Variants in RLF observed in about 807,000 individuals in gnomAD.
RLF encodes RLF zinc finger.
A neutral mutation model predicts 162.9 loss-of-function variants in RLF; 7 were observed. The observed-to-expected ratio is 0.04, with a 90% CI of 0.02 to 0.08. The LOEUF is 0.08. Among genes scored for constraint, RLF ranks in the 10% least tolerant of loss-of-function variants. The pLI is 1.00. For missense variants in RLF, 1,664 were observed against 2,244.7 expected, an observed-to-expected ratio of 0.74 and a Z score of 5.23; for synonymous variants, 782 against 791.5, an observed-to-expected ratio of 0.99 and a Z score of 0.20.
chr1:40,231,607 A>T lies in RLF; in HGVS notation c.1038A>T (p.Ile346=), dbSNP rs755007850. ...AGCGCTGTCGTCAGTTTGGTGTCAT[A>T]GCTAAAACGCAGCAGCATTTATTTT... ...FLERCRQFGV[I]AKTQQHLFCL... The change falls in exon 7 of 8, where the codon ATA becomes ATT. Residue 346 remains isoleucine (I), a synonymous_variant. Coordinates refer to ENST00000372771, the MANE Select transcript of RLF (RefSeq NM_012421.4). 13 of 1,614,098 alleles carry T rather than the reference A, an allele frequency of 8.1e-6. No homozygotes were observed. Among genetic ancestry groups the T allele is most frequent in the Non-Finnish European group, 1.1e-5 (13 of 1,179,988 alleles).
rs1642088347 is a variant in RLF, at chr1:40,161,745, G to C, written c.237+109G>C. On this transcript the variant is annotated intron_variant, in intron 1 of 7. Transcript: ENST00000372771. The surrounding 1 kb of genome is among the most constrained non-coding windows in gnomAD (Gnocchi z 4.4). ...CCAAACTGAAAGGCGCCACCTCCGT[G>C]ACTCGCCGCGCCCCCGGGCCGGGAA... 7.0e-7 allele frequency: 1 copy of C among 1,422,262 alleles called. No homozygotes were observed. The highest frequency in any genetic ancestry group is 9.3e-7 in the Non-Finnish European group (1 of 1,076,874). 88.1% of individuals were successfully genotyped at this position (1,422,262 alleles called of 1,614,324 possible). A position where few individuals can be genotyped will look rare whatever the true frequency, so the allele number is the denominator to read the frequency against.
intron 1 of RLF, among the ~76,000 whole-genome samples, chr1:40,177,073 C>G (rs942533061): frequency 6.6e-6 from 1 of 151,764 alleles, no homozygotes; most frequent in Non-Finnish European, 1.5e-5. Flanking sequence ...CTGCAACCTC[C>G]GCCTCACAGG....
Position 40,238,751 on chromosome 1 carries a change from G to A in RLF, c.4049G>A (p.Arg1350Lys). ...TTATGTTTGGAGAAAGACAAAGCAAGAACCAAAAGGGAACTTGTCAAATGT... is the reference window on the plus strand; with the variant it reads ...TTATGTTTGGAGAAAGACAAAGCAAAAACCAAAAGGGAACTTGTCAAATGT... ...EQLCLEKDKA[R>K]TKRELVKCKK... Residue 1350 changes from arginine (R) to lysine (K), a missense_variant, in exon 8 of 8, where the codon AGA becomes AAA. Coordinates refer to ENST00000372771, the MANE Select transcript of RLF (RefSeq NM_012421.4). The surrounding 1 kb of genome is among the most constrained non-coding windows in gnomAD (Gnocchi z 5.2). 1 of 1,613,686 alleles carries A rather than the reference G, an allele frequency of 6.2e-7. No homozygotes were observed. Among genetic ancestry groups the A allele is most frequent in the Non-Finnish European group, 8.5e-7 (1 of 1,179,790 alleles).
intron 4 of RLF, among the ~76,000 whole-genome samples, chr1:40,196,674 A>T (rs1642642592): frequency 6.6e-6 from 1 of 151,630 alleles, no homozygotes; most frequent in Admixed American, 6.6e-5. Flanking sequence ...TAATTTTTCT[A>T]TTTTTTGTAG....
In RLF at chr1:40,182,753, G is replaced by GTAGGTAGGTAGATAGA. The variant is rs144667492; in HGVS notation, c.238-6299_238-6298insGTAGGTAGATAGATAG. Among the ~76,000 whole-genome samples the GTAGGTAGGTAGATAGA allele has an allele frequency of 8.2e-3, 1,224 of 148,864 alleles. 20 individuals are homozygous for GTAGGTAGGTAGATAGA. Among genetic ancestry groups the GTAGGTAGGTAGATAGA allele is most frequent in the African/African-American group, 0.029 (1,160 of 40,318 alleles). ...GAAAAAAGTATAGACAGATAGATAG[G>GTAGGTAGGTAGATAGA]TAGATAGATAGATAGATAGATAGAT... On this transcript the variant is annotated intron_variant, in intron 1 of 7. Transcript: ENST00000372771.
chr1:40,198,539 G>T (rs750582305), intron 4 of RLF, among the ~76,000 whole-genome samples: 2 of 152,078 alleles, frequency 1.3e-5, no homozygotes, highest in Non-Finnish European at 2.9e-5. Context: ...GACCGCAGAT[G>T]ATCCACCTGC....
In RLF at chr1:40,235,981, A is replaced by C. The variant is rs1194043186; in HGVS notation, c.1279A>C (p.Asn427His). Reference sequence around the variant, plus strand: ...AATTGAACCCAGTTTGGATGGATTTAATATGTTAGAAGAACTATATTTGCA... The same window carrying C: ...AATTGAACCCAGTTTGGATGGATTTCATATGTTAGAAGAACTATATTTGCA... ...FLIEPSLDGF[N>H]MLEELYLQPD... Residue 427 changes from asparagine (N) to histidine (H), a missense_variant, in exon 8 of 8, where the codon AAT becomes CAT. Asn to His is a moderately conservative substitution (Grantham distance 68, BLOSUM62 1). Transcript: ENST00000372771. 1.9e-6 allele frequency: 3 copies of C among 1,613,646 alleles called. No individual in the cohort carries two copies. The highest frequency in any genetic ancestry group is 2.5e-6 in the Non-Finnish European group (3 of 1,179,892).
In RLF at chr1:40,240,279, C is replaced by A; in HGVS notation, c.5577C>A (p.Asn1859Lys). 1 of 1,614,180 alleles carries A rather than the reference C, an allele frequency of 6.2e-7. No homozygotes were observed. Among genetic ancestry groups the A allele is most frequent in the Non-Finnish European group, 8.5e-7 (1 of 1,180,028 alleles). Reference protein sequence around the residue: ...AETTTVPSLENLRVVLDKALT... With the variant: ...AETTTVPSLEKLRVVLDKALT... ...CAACAACAGTTCCTTCCTTGGAAAA[C>A]CTGAGGGTTGTATTGGACAAAGCAT... The change falls in exon 8 of 8, where the codon AAC (asparagine) becomes AAA (lysine). Residue 1859 changes from asparagine (N) to lysine (K), a missense_variant. Transcript: ENST00000372771.
intron 5 of RLF, among the ~76,000 whole-genome samples, chr1:40,216,246 G>A (rs1276995919): frequency 6.6e-6 from 1 of 152,150 alleles, no homozygotes; most frequent in Non-Finnish European, 1.5e-5. Flanking sequence ...GCTTTGGGAG[G>A]CCAAGGCGGA....
At chr1:40,211,689 T>A (rs1642866912) in intron 5 of RLF, among the ~76,000 whole-genome samples, 1 of 152,070 alleles carries the variant, frequency 6.6e-6, no homozygotes, top group Non-Finnish European at 1.5e-5. Context: ...TGGCGTGATA[T>A]CGGCTCACTG....
At position 40,185,689 on chromosome 1, in the gene RLF, A is replaced by G. The variant is rs1453576106; in HGVS notation, c.238-3366A>G. ...AAAAAAAAAAAAAAATTAGCCGGGC[A>G]TGGTGGCGGGTGCCTGTAGTCCCAG... On this transcript the variant is annotated intron_variant, in intron 1 of 7. Coordinates refer to ENST00000372771, the MANE Select transcript of RLF (RefSeq NM_012421.4). 2.1e-5 allele frequency among the ~76,000 whole-genome samples: 3 copies of G among 140,438 alleles called. No homozygotes were observed. The East Asian group carries it at 6.4e-4, about 30-fold the overall frequency. The allele number at this position is 140,438 out of a possible 152,430, so 92.1% of individuals were successfully genotyped here. A position where few individuals can be genotyped will look rare whatever the true frequency, so the allele number is the denominator to read the frequency against.
At chr1:40,171,843 G>A (rs1029332783) in intron 1 of RLF, among the ~76,000 whole-genome samples, 1 of 152,104 alleles carries the variant, frequency 6.6e-6, no homozygotes, top group Non-Finnish European at 1.5e-5. Context: ...AGAATAAGAA[G>A]TAAAAGCTCC....
intron 4 of RLF, among the ~76,000 whole-genome samples, chr1:40,198,233 C>A (rs1419071757): frequency 6.7e-6 from 1 of 150,074 alleles, no homozygotes; most frequent in African/African-American, 2.5e-5. Context: ...GAACTCCTGA[C>A]CTCAGGTGAT....
At chr1:40,224,823 C>T (rs1643046613) in intron 6 of RLF, among the ~76,000 whole-genome samples, 1 of 150,686 alleles carries the variant, frequency 6.6e-6, no homozygotes, top group South Asian at 2.1e-4. Context: ...CCCGTCTCTA[C>T]TAAAAATACA....
At chr1:40,176,814 A>T (rs868672181) in intron 1 of RLF, among the ~76,000 whole-genome samples, 1 of 152,130 alleles carries the variant, frequency 6.6e-6, no homozygotes. Flanking sequence ...CGAAGTGTCC[A>T]AATCTTTGCC....
At position 40,237,541 on chromosome 1, in the gene RLF, G is replaced by A. The variant is rs898546326; in HGVS notation, c.2839G>A (p.Val947Ile). The A allele has an allele frequency of 1.2e-6, 2 of 1,613,988 alleles. No individual in the cohort carries two copies. The highest frequency in any genetic ancestry group is 1.7e-6 in the Non-Finnish European group (2 of 1,180,014). ...AAAAGAAAAATGTTCCAGTATGGCA[G>A]TTTGTTTTGACGGGACTAAGTTTAC... ...SLKEKCSSMA[V>I]CFDGTKFTCG... Residue 947 changes from valine (V) to isoleucine (I), a missense_variant, in exon 8 of 8, where the codon GTT becomes ATT. Physicochemically the swap from Val to Ile is conservative, Grantham distance 29 (BLOSUM62 3). Around this residue, in one of 15 missense-constraint regions of RLF, gnomAD observed 295 missense variants for 317.4 expected, o/e 0.93. Coordinates refer to ENST00000372771, the MANE Select transcript of RLF (RefSeq NM_012421.4). This position sits in a 1 kb window ranked among gnomAD's most constrained non-coding sequence, Gnocchi z 4.4.
rs1367688449 is a variant in RLF at position 40,196,413 on chromosome 1, GA to G, written c.607+655del. Among the ~76,000 whole-genome samples, 4 of 152,094 alleles carry G rather than the reference GA, an allele frequency of 2.6e-5. No homozygotes were observed. The South Asian group carries it at 8.3e-4, about 32-fold the overall frequency. On this transcript the variant is annotated intron_variant, in intron 4 of 7. Coordinates refer to ENST00000372771, the MANE Select transcript of RLF (RefSeq NM_012421.4). ...ATTGGCTGCAACAACTGAGGGCCAT[GA>G]AAAAAGTTTTTTTTATTTTATATAT...
At chr1:40,169,459 A>G (rs1557736278) in intron 1 of RLF, among the ~76,000 whole-genome samples, 1 of 151,216 alleles carries the variant, frequency 6.6e-6, no homozygotes, top group South Asian at 2.1e-4. Context: ...TACTAAAAAT[A>G]CAAAAAATTA....
chr1:40,163,925 C>T (rs1199297277), intron 1 of RLF, among the ~76,000 whole-genome samples: 3 of 152,046 alleles, frequency 2.0e-5, no homozygotes, highest in African/African-American at 7.2e-5. Flanking sequence ...CCTTGATGAC[C>T]AGATAGAGAA....
Sources: gnomAD v4.1 joint callset for allele counts (sites outside exome capture counted in the v4.1 genomes callset) on GRCh38, gnomAD v4.1.1 for gene constraint, gnomAD v4.1.1 regional missense constraint, Gnocchi (gnomAD v3.1) non-coding constraint, MANE v1.5 for transcripts, NCBI Gene and HGNC (gene_info 2026-07-23, HGNC 2026-07-21) for gene names.